The following CCM2 variants were observed in gnomAD, a reference collection of about 807,000 sequenced individuals.
The protein encoded by CCM2 is cerebral cavernous malformations 2 protein.
CCM2 carries 25 observed loss-of-function variants against 44.9 expected under a neutral mutation model. The observed-to-expected ratio is 0.56, with a 90% confidence interval of 0.41 to 0.78. The LOEUF is 0.78. CCM2 is among the 30% of genes least tolerant of loss of function. CCM2 has a pLI of 0.00. For synonymous variants in CCM2, 219 were observed against 241.1 expected, an observed-to-expected ratio of 0.91 and a Z score of 0.85; for missense variants, 481 against 580.6, an observed-to-expected ratio of 0.83 and a Z score of 1.76.
chr7:45,052,101 G>A lies in CCM2; in HGVS notation c.205-11817G>A, dbSNP rs185896926. On this transcript the variant is annotated intron_variant, in intron 2 of 9. Transcript: ENST00000258781. The stretch of plus-strand genomic sequence containing the variant: ...ATGATGGTACTTGCTGTCCCACATC[G>A]GAAACCACATGCTCCACAAGCCCTT... 4.3e-4 allele frequency among the ~76,000 whole-genome samples: 66 copies of A among 152,324 alleles called. 1 individual carries two copies. The highest frequency in any genetic ancestry group is 2.6e-3 in the Admixed American group (40 of 15,292).
intron 2 of CCM2, among the ~76,000 whole-genome samples, chr7:45,047,306 A>G (rs986555206): frequency 6.6e-6 from 1 of 152,254 alleles, no homozygotes; most frequent in Non-Finnish European, 1.5e-5. Context: ...CAAAACTGGA[A>G]ACAACTCCAT....
intron 1 of CCM2, among the ~76,000 whole-genome samples, chr7:45,006,842 C>G (rs1325664407): frequency 6.6e-6 from 1 of 152,188 alleles, no homozygotes; most frequent in African/African-American, 2.4e-5. Context: ...TTACCTTGAT[C>G]TTGGACTTTC....
In CCM2 at chr7:45,073,460, C is replaced by A. The variant is rs919016577; in HGVS notation, c.804C>A (p.Phe268Leu). Residue 268 changes from phenylalanine to leucine, a missense_variant and splice_region_variant, in exon 8 of 10, where the codon TTC becomes TTA. Transcript: ENST00000258781. The part of the protein sequence containing the change: ...KETYEVEAST[F>L]CFPESVDVGG... ...GCTCACATACCACATTCTTTCGCAGCTGCTTCCCTGAATCTGTGGATGTGG... is the reference window on the plus strand; with the variant it reads ...GCTCACATACCACATTCTTTCGCAGATGCTTCCCTGAATCTGTGGATGTGG... 2 of 1,612,372 alleles carry A rather than the reference C, an allele frequency of 1.2e-6. No individual in the cohort carries two copies. The highest frequency in any genetic ancestry group is 3.3e-5 in the Admixed American group (2 of 59,994).
chr7:45,055,144 A>G (rs563670124), intron 2 of CCM2, among the ~76,000 whole-genome samples: 117 of 152,298 alleles, frequency 7.7e-4, no homozygotes, highest in African/African-American at 2.5e-3. Context: ...CAAGATAATG[A>G]TGGTGATGTC....
At chr7:45,002,629 A>G (rs981150530) in intron 1 of CCM2, among the ~76,000 whole-genome samples, 4 of 152,018 alleles carry the variant, frequency 2.6e-5, no homozygotes, top group Non-Finnish European at 4.4e-5. Context: ...CAGAGAACCT[A>G]TGGACCAAAG....
At position 45,015,071 on chromosome 7, in the gene CCM2, G is replaced by C. The variant is rs138815431; in HGVS notation, c.30+14708G>C. 2.9e-3 allele frequency among the ~76,000 whole-genome samples: 445 copies of C among 152,134 alleles called. 4 individuals are homozygous for C. Among genetic ancestry groups the C allele is most frequent in the African/African-American group, 0.01 (417 of 41,502 alleles). On this transcript the variant is annotated intron_variant, in intron 1 of 9. Coordinates refer to ENST00000258781, the MANE Select transcript of CCM2 (RefSeq NM_031443.4). ...GTTTCAGCTAATCTTGTTCTTTCCT[G>C]TCCCAGCCCTGGAACCAGACAGTCG...
At chr7:45,023,299 C>T (rs1042138363) in intron 1 of CCM2, among the ~76,000 whole-genome samples, 1 of 152,056 alleles carries the variant, frequency 6.6e-6, no homozygotes, top group African/African-American at 2.4e-5. Context: ...CCTGTAATCC[C>T]AGCACTTTGG....
At chr7:45,064,982 G>T (rs1287118339) in intron 4 of CCM2, among the ~76,000 whole-genome samples, 2 of 152,164 alleles carry the variant, frequency 1.3e-5, no homozygotes, top group African/African-American at 4.8e-5. Flanking sequence ...GTGGAGCCTA[G>T]AGAGAGTGCA....
chr7:45,006,429 C>T (rs1159892143), intron 1 of CCM2, among the ~76,000 whole-genome samples: 2 of 151,912 alleles, frequency 1.3e-5, no homozygotes, highest in East Asian at 3.9e-4. Flanking sequence ...CTGCAAGCTC[C>T]GCCTCCCAGG....
chr7:45,002,337 C>T lies in CCM2; in HGVS notation c.30+1974C>T, dbSNP rs148069663. Among the ~76,000 whole-genome samples the T allele has an allele frequency of 6.6e-5, 10 of 152,216 alleles. No homozygotes were observed. The East Asian group carries it at 1.7e-3, about 26-fold the overall frequency. ...CCTGTAATCCAGCACTTTGGGAGGC[C>T]AAGGCTCGATCACTTTAGCTCAGGA... On this transcript the variant is annotated intron_variant, in intron 1 of 9. Coordinates refer to ENST00000258781, the MANE Select transcript of CCM2 (RefSeq NM_031443.4).
At chr7:45,055,482 T>A (rs968173192) in intron 2 of CCM2, among the ~76,000 whole-genome samples, 1 of 150,426 alleles carries the variant, frequency 6.6e-6, no homozygotes, top group Admixed American at 6.6e-5. Context: ...AGGTCAGGAG[T>A]TCAAGACCAG....
chr7:45,047,609 C>T (rs10235447), intron 2 of CCM2, among the ~76,000 whole-genome samples: 20,173 of 152,228 alleles, frequency 0.13, 1,652 homozygotes, highest in Middle Eastern at 0.22. Flanking sequence ...TGAAAAAAGC[C>T]GTTCCTAAAG....
chr7:45,032,999 C>G (rs1361281730), intron 1 of CCM2, among the ~76,000 whole-genome samples: 1 of 122,296 alleles, frequency 8.2e-6, no homozygotes, highest in Non-Finnish European at 1.6e-5. Context: ...AAGATTATGC[C>G]ATTGCACTCC....
At position 45,058,891 on chromosome 7, in the gene CCM2, G is replaced by A. The variant is rs148984451; in HGVS notation, c.205-5027G>A. ...TGGGATTACAGGCACCTGCCACCAC[G>A]CCCAGCTAATTTTTTTTTTTTTTTT... On this transcript the variant is annotated intron_variant, in intron 2 of 9. Coordinates refer to ENST00000258781, the MANE Select transcript of CCM2 (RefSeq NM_031443.4). 8.3e-3 allele frequency among the ~76,000 whole-genome samples: 1,204 copies of A among 145,612 alleles called. 16 individuals are homozygous for A. The highest frequency in any genetic ancestry group is 0.029 in the African/African-American group (1,126 of 38,796).
intron 1 of CCM2, among the ~76,000 whole-genome samples, chr7:45,033,595 G>A (rs1289307840): frequency 2.0e-5 from 3 of 152,168 alleles, no homozygotes; most frequent in Admixed American, 2.0e-4. Context: ...GAGCTTTGGG[G>A]GCTAGCAGGC....
In CCM2 at chr7:45,064,552, C is replaced by T. The variant is rs755813450; in HGVS notation, c.378C>T (p.Asp126=). The part of the protein sequence containing the change: ...SAYNVKLAWR[D]GEDIILRVPI... ...ACAACGTCAAGCTGGCCTGGAGGGA[C>T]GGGGAGGATATCATCCTCAGGGTGC... is the stretch of plus-strand genomic sequence containing the variant. Residue 126 remains aspartate (D), a synonymous_variant, in exon 4 of 10, where the codon GAC becomes GAT. Coordinates refer to ENST00000258781, the MANE Select transcript of CCM2 (RefSeq NM_031443.4). 9.9e-6 allele frequency: 16 copies of T among 1,613,792 alleles called. No individual in the cohort carries two copies. Among genetic ancestry groups the T allele is most frequent in the East Asian group, 2.2e-5 (1 of 44,880 alleles).
At chr7:45,068,381 C>T in intron 4 of CCM2, 62 bp from the exon 5 acceptor site, 1 of 1,610,936 alleles carries the variant, frequency 6.2e-7, no homozygotes, top group Admixed American at 1.7e-5. Context: ...TCAGCTGTTT[C>T]CTCAAGTGCC....
chr7:45,011,642 C>T (rs890070221), intron 1 of CCM2, among the ~76,000 whole-genome samples: 2 of 152,098 alleles, frequency 1.3e-5, no homozygotes, highest in Non-Finnish European at 2.9e-5. Context: ...ACCTCTGCCT[C>T]CTGGTTTCAA....
intron 2 of CCM2, among the ~76,000 whole-genome samples, chr7:45,054,502 T>TA (rs1353296137): frequency 6.6e-6 from 1 of 152,024 alleles, no homozygotes; most frequent in African/African-American, 2.4e-5. Context: ...AAAAAACACT[T>TA]ATATCTTGTC....
Sources: allele counts gnomAD v4.1 joint callset (sites outside exome capture counted in the v4.1 genomes callset), GRCh38; gene constraint gnomAD v4.1.1; transcripts MANE v1.5; gene names NCBI Gene and HGNC (gene_info 2026-07-23, HGNC 2026-07-21).